The following PRKAR2A variants were observed in gnomAD, a reference collection of about 807,000 sequenced individuals.
PRKAR2A encodes the protein protein kinase cAMP-dependent type II regulatory subunit alpha, also known as cAMP-dependent protein kinase type II-alpha regulatory subunit.
A neutral mutation model predicts 51.9 loss-of-function variants in PRKAR2A; 29 were observed. That is an observed-to-expected ratio of 0.56 (90% CI 0.42 to 0.76). PRKAR2A has a LOEUF of 0.76. Ranked by LOEUF, PRKAR2A falls within the 30% of genes least tolerant of loss-of-function variation. The pLI is 0.00. For synonymous variants in PRKAR2A, 178 were observed against 186.2 expected (o/e 0.96, Z 0.36); for missense variants, 445 against 512.1 (o/e 0.87, Z 1.26).
chr3:48,815,007 GT>G (rs2082850085), intron 1 of PRKAR2A, among the ~76,000 whole-genome samples: 1 of 152,024 alleles, frequency 6.6e-6, no homozygotes, highest in Non-Finnish European at 1.5e-5. Context: ...CACCTCCCAG[GT>G]TCAAGTGATT....
Position 48,777,474 on chromosome 3 carries a change from C to T in PRKAR2A, c.543-4366G>A, listed in dbSNP as rs556864581. On this transcript the variant is annotated intron_variant, in intron 5 of 10. Transcript: ENST00000265563. ...AGGCTGGAGTGCAGTGGCATGATCT[C>T]GGCTCACTGTAAGCTCCGCCTCCTG... is the stretch of plus-strand genomic sequence containing the variant. Among the ~76,000 whole-genome samples the T allele has an allele frequency of 8.5e-5, 13 of 152,220 alleles. No individual in the cohort carries two copies. The South Asian group carries it at 2.7e-3, about 32-fold the overall frequency.
At position 48,752,170 on chromosome 3, in the gene PRKAR2A, T is replaced by C. The variant is rs774940850; in HGVS notation, c.1081+6A>G. 1.2e-6 allele frequency: 2 copies of C among 1,605,536 alleles called. No homozygotes were observed. The highest frequency in any genetic ancestry group is 1.8e-5 in the Admixed American group (1 of 56,734). ...AGAATATTAATGCATAAAGAACTTT[T>C]CTTACCTAAGCATTTGACATCTCCA... On this transcript the variant is annotated splice_donor_region_variant and intron_variant, in intron 10 of 10. Coordinates refer to ENST00000265563, the MANE Select transcript of PRKAR2A (RefSeq NM_004157.4).
intron 4 of PRKAR2A, among the ~76,000 whole-genome samples, chr3:48,789,404 T>A (rs965738443): frequency 2.6e-5 from 4 of 152,152 alleles, no homozygotes; most frequent in Admixed American, 2.0e-4. Context: ...CTGTAACTTG[T>A]GCAGTCTGAG....
chr3:48,793,659 AT>A (rs1424331053), intron 3 of PRKAR2A, among the ~76,000 whole-genome samples: 1 of 150,906 alleles, frequency 6.6e-6, no homozygotes, highest in Non-Finnish European at 1.5e-5. Flanking sequence ...AAACCAGCTA[AT>A]TTTTTTTTCC....
intron 6 of PRKAR2A, among the ~76,000 whole-genome samples, chr3:48,769,480 C>CTTTT (rs540463001): frequency 2.1e-5 from 3 of 142,536 alleles, no homozygotes; most frequent in African/African-American, 7.7e-5. Context: ...CTTACAGCGA[C>CTTTT]TTTTTTTTTT....
chr3:48,794,650 A>G (rs1050043418), intron 2 of PRKAR2A, among the ~76,000 whole-genome samples: 1 of 151,920 alleles, frequency 6.6e-6, no homozygotes, highest in African/African-American at 2.4e-5. Flanking sequence ...AGCCGAGATC[A>G]TGCCACTGCA....
rs752492374 is a variant in PRKAR2A at position 48,793,971 on chromosome 3, C to T, written c.351+26G>A. 3 of 1,552,638 alleles carry T rather than the reference C, an allele frequency of 1.9e-6. No homozygotes were observed. In the South Asian group the frequency reaches 3.3e-5, roughly 17 times the overall value. On this transcript the variant is annotated intron_variant, in intron 3 of 10. Transcript: ENST00000265563. Reference sequence around the variant, plus strand: ...GTTAATGAGAAATAGAACAATTCTACCTAACATCTTTGCTTTGGGTCTTAC... The same window carrying T: ...GTTAATGAGAAATAGAACAATTCTATCTAACATCTTTGCTTTGGGTCTTAC...
At chr3:48,812,724 C>T (rs1380460226) in intron 1 of PRKAR2A, among the ~76,000 whole-genome samples, 1 of 152,154 alleles carries the variant, frequency 6.6e-6, no homozygotes, top group Non-Finnish European at 1.5e-5. Flanking sequence ...CCTTGTGATC[C>T]GCCCGCTTTG....
intron 1 of PRKAR2A, among the ~76,000 whole-genome samples, chr3:48,814,952 C>T (rs1304439151): frequency 2.6e-5 from 4 of 152,138 alleles, no homozygotes; most frequent in Non-Finnish European, 4.4e-5. Flanking sequence ...CGCTCTGTTG[C>T]CCAGGCTGGA....
intron 1 of PRKAR2A, among the ~76,000 whole-genome samples, chr3:48,844,221 A>C (rs1171531954): frequency 3.3e-5 from 5 of 152,228 alleles, no homozygotes; most frequent in Non-Finnish European, 7.3e-5. Context: ...ATGCAGCCAA[A>C]AGACAAATGA....
intron 4 of PRKAR2A, among the ~76,000 whole-genome samples, chr3:48,784,848 T>G (rs1419520452): frequency 6.6e-6 from 1 of 152,166 alleles, no homozygotes; most frequent in Non-Finnish European, 1.5e-5. Flanking sequence ...ATAGGTTGTT[T>G]TGCTTAAAGT....
intron 2 of PRKAR2A, among the ~76,000 whole-genome samples, chr3:48,801,972 C>A (rs944051713): frequency 1.3e-5 from 2 of 152,076 alleles, no homozygotes; most frequent in African/African-American, 4.8e-5. Context: ...TGCAACAGTA[C>A]GATCTCGGTT....
intron 9 of PRKAR2A, among the ~76,000 whole-genome samples, chr3:48,753,286 T>C (rs1391291201): frequency 6.6e-6 from 1 of 151,650 alleles, no homozygotes; most frequent in Non-Finnish European, 1.5e-5. Context: ...TATATTAATA[T>C]CTAGAGGTTT....
intron 4 of PRKAR2A, among the ~76,000 whole-genome samples, chr3:48,788,739 C>T (rs542069871): frequency 2.0e-5 from 3 of 152,228 alleles, no homozygotes; most frequent in African/African-American, 7.2e-5. Flanking sequence ...TGGTTATCTA[C>T]GAACCAGGAA....
chr3:48,747,277 GAAAATAA>G lies in PRKAR2A; in HGVS notation c.*4301_*4307del, dbSNP rs1260000990. 2.0e-5 allele frequency: 3 copies of G among 152,142 alleles called. No individual in the cohort carries two copies. Among genetic ancestry groups the G allele is most frequent in the Admixed American group, 2.0e-4 (3 of 15,280 alleles). 9.4% of individuals were successfully genotyped at this position (152,142 alleles called of 1,614,324 possible). A position where few individuals can be genotyped will look rare whatever the true frequency, so the allele number is the denominator to read the frequency against. On this transcript the variant is annotated 3_prime_UTR_variant, in exon 11 of 11. Coordinates refer to ENST00000265563, the MANE Select transcript of PRKAR2A (RefSeq NM_004157.4). ...ACAAAAATTCCAACATCAGCCAACT[GAAAATAA>G]AAGATAAAAGATGACATTCATGGAT...
intron 4 of PRKAR2A, among the ~76,000 whole-genome samples, chr3:48,785,236 C>T (rs1437737267): frequency 2.0e-5 from 3 of 149,438 alleles, no homozygotes; most frequent in Non-Finnish European, 4.4e-5. Context: ...GGATTATAGG[C>T]GCATGCCACC....
Position 48,749,285 on chromosome 3 carries a change from A to G in PRKAR2A, c.*2300T>C, listed in dbSNP as rs1323392888. On this transcript the variant is annotated 3_prime_UTR_variant, in exon 11 of 11. Coordinates refer to ENST00000265563, the MANE Select transcript of PRKAR2A (RefSeq NM_004157.4). ...CTGATTCTAAGTTATTCTGAAGGAA[A>G]AAAAAATTATTCTGAAATATACCTT... 1.3e-5 allele frequency: 2 copies of G among 152,192 alleles called. No homozygotes were observed. Among genetic ancestry groups the G allele is most frequent in the African/African-American group, 4.8e-5 (2 of 41,442 alleles). The allele number at this position is 152,192 out of a possible 1,614,324, so 9.4% of individuals were successfully genotyped here. A position where few individuals can be genotyped will look rare whatever the true frequency, so the allele number is the denominator to read the frequency against.
rs1575972623 is a variant in PRKAR2A at position 48,847,740 on chromosome 3, C to G, written c.-144G>C. ...ACGTCGCGCCGCTCTTTGGCCGGCT[C>G]TGCGTTTCCGGGCCGCGCAACCCTA... On this transcript the variant is annotated 5_prime_UTR_variant, in exon 1 of 11. Coordinates refer to ENST00000265563, the MANE Select transcript of PRKAR2A (RefSeq NM_004157.4). The surrounding 1 kb of genome is among the most constrained non-coding windows in gnomAD (Gnocchi z 4.4). The G allele has an allele frequency of 2.5e-5, 22 of 883,270 alleles. No individual in the cohort carries two copies. In the East Asian group the frequency reaches 7.0e-4, roughly 28 times the overall value. 54.7% of individuals were successfully genotyped at this position (883,270 alleles called of 1,614,324 possible).
chr3:48,829,607 TGTGTGTGTGTATAC>T (rs1559646361), intron 1 of PRKAR2A, among the ~76,000 whole-genome samples: 1 of 11,920 alleles, frequency 8.4e-5, no homozygotes, highest in Non-Finnish European at 1.2e-4. Context: ...CACACATAAA[TGTGTGTGTGTATAC>T]GTGTGTATAC....
Sources: allele counts gnomAD v4.1 joint callset (sites outside exome capture counted in the v4.1 genomes callset), GRCh38; gene constraint gnomAD v4.1.1; non-coding constraint Gnocchi (gnomAD v3.1); transcripts MANE v1.5; gene names NCBI Gene and HGNC (gene_info 2026-07-23, HGNC 2026-07-21).